ARHGAP17: variants seen among roughly 807,000 people sequenced by gnomAD.
ARHGAP17 encodes the protein Rho GTPase activating protein 17.
Under a neutral mutation model 99.5 loss-of-function variants are expected in ARHGAP17, and 57 were observed. The ratio of observed to expected loss-of-function variants is 0.57; its 90% confidence interval spans 0.46 to 0.71. The LOEUF (loss-of-function observed/expected upper bound fraction) is 0.71, where lower values mean the gene tolerates loss of function less well. Among genes scored for constraint, ARHGAP17 ranks in the 30% least tolerant of loss-of-function variants. ARHGAP17 has a pLI of 0.00. For synonymous variants in ARHGAP17, 417 were observed against 429.6 expected, an observed-to-expected ratio of 0.97 and a Z score of 0.36; for missense variants, 1,000 against 1,122.4, an observed-to-expected ratio of 0.89 and a Z score of 1.56.
chr16:25,000,456 G>A (rs568397999), intron 1 of ARHGAP17, among the ~76,000 whole-genome samples: 11 of 152,264 alleles, frequency 7.2e-5, no homozygotes, highest in African/African-American at 1.2e-4. Flanking sequence ...TTGAGCTGCC[G>A]ACCATGTGGA....
intron 3 of ARHGAP17, chr16:24,972,580 AG>A (rs2052398897): frequency 6.6e-6 from 1 of 152,222 alleles, no homozygotes; most frequent in Non-Finnish European, 1.5e-5. Context: ...TGAGAATAAT[AG>A]GGGATAATTC....
intron 3 of ARHGAP17, among the ~76,000 whole-genome samples, chr16:24,973,187 C>T (rs1055668850): frequency 2.0e-5 from 3 of 152,184 alleles, no homozygotes; most frequent in African/African-American, 7.2e-5. Context: ...GCATGCCAAT[C>T]GCACAAAAAG....
At position 24,935,640 on chromosome 16, in the gene ARHGAP17, C is replaced by T. The variant is rs187823038; in HGVS notation, c.1725-1G>A. On this transcript the variant is annotated splice_acceptor_variant, in intron 17 of 19. Coordinates refer to ENST00000289968, the MANE Select transcript of ARHGAP17 (RefSeq NM_001006634.3). LOFTEE classifies it high-confidence loss of function. ...TACAGGGTCCTTCGGTTTGGGAGGA[C>T]TAAGAGGAGTAAAAGTCAAGTTAGA... 1 of 1,613,722 alleles carries T rather than the reference C, an allele frequency of 6.2e-7. No homozygotes were observed. Among genetic ancestry groups the T allele is most frequent in the African/African-American group, 1.3e-5 (1 of 74,998 alleles).
At chr16:24,970,693 G>C in intron 3 of ARHGAP17, 113 bp from the exon 4 acceptor site, 1 of 919,294 alleles carries the variant, frequency 1.1e-6, no homozygotes, top group Non-Finnish European at 1.8e-6. Flanking sequence ...ACACAGGTAG[G>C]AGACAGCCTG....
intron 4 of ARHGAP17, among the ~76,000 whole-genome samples, chr16:24,969,547 T>C (rs955714135): frequency 1.3e-5 from 2 of 152,238 alleles, no homozygotes; most frequent in African/African-American, 2.4e-5. Context: ...ATGGGAGTGA[T>C]GTTGTGTGTT....
At chr16:24,998,109 G>A (rs1031371275) in intron 1 of ARHGAP17, among the ~76,000 whole-genome samples, 19 of 152,122 alleles carry the variant, frequency 1.2e-4, no homozygotes, top group African/African-American at 4.6e-4. Flanking sequence ...CCAGGAGCGA[G>A]GTGCGGGTGA....
Position 24,939,563 on chromosome 16 carries a change from G to C in ARHGAP17, c.1525C>G (p.Arg509Gly). The change falls in exon 17 of 20, where the codon CGG becomes GGG. Residue 509 changes from arginine (R) to glycine (G), a missense_variant. By Grantham distance (125) the Arg-to-Gly change is moderately radical (BLOSUM62 -2). This residue lies in a region of ARHGAP17 where 528 missense variants were observed against 511.4 expected (regional missense o/e 1.03). Transcript: ENST00000289968. ...GVKLMDFQAH[R>G]RGGTLNRKHI... ...TTTCTATTTAGAGTGCCACCCCGCC[G>C]GTGGGCCTGGAAGTCCATAAGCTTC... is the stretch of plus-strand genomic sequence containing the variant. 6.2e-7 allele frequency: 1 copy of C among 1,607,684 alleles called. No individual in the cohort carries two copies. The highest frequency in any genetic ancestry group is 8.5e-7 in the Non-Finnish European group (1 of 1,177,774).
At chr16:24,937,315 C>T (rs1038004940) in intron 17 of ARHGAP17, among the ~76,000 whole-genome samples, 6 of 151,662 alleles carry the variant, frequency 4.0e-5, no homozygotes, top group Admixed American at 1.3e-4. Flanking sequence ...CCAGCTACTC[C>T]GGCGGCTGAG....
At chr16:25,000,489 T>G (rs1347415577) in intron 1 of ARHGAP17, among the ~76,000 whole-genome samples, 1 of 152,148 alleles carries the variant, frequency 6.6e-6, no homozygotes, top group Non-Finnish European at 1.5e-5. Context: ...AATCTTGGGG[T>G]TTTTGTCCAT....
chr16:24,973,992 G>A (rs970929291), intron 3 of ARHGAP17, among the ~76,000 whole-genome samples: 1 of 152,218 alleles, frequency 6.6e-6, no homozygotes, highest in Non-Finnish European at 1.5e-5. Context: ...AAGGAGAAAT[G>A]GAATCAGCTG....
At chr16:24,939,268 C>T in intron 17 of ARHGAP17, 96 bp downstream of exon 17, 1 of 1,118,846 alleles carries the variant, frequency 8.9e-7, no homozygotes, top group Non-Finnish European at 1.2e-6. Context: ...CATGCTGGAG[C>T]AGTTCTTTGG....
At position 24,968,345 on chromosome 16, in the gene ARHGAP17, T is replaced by C. The variant is rs1246507927; in HGVS notation, c.461+6A>G. 1 of 1,614,184 alleles carries C rather than the reference T, an allele frequency of 6.2e-7. No individual in the cohort carries two copies. The highest frequency in any genetic ancestry group is 1.1e-5 in the South Asian group (1 of 91,078). On this transcript the variant is annotated splice_donor_region_variant and intron_variant, in intron 6 of 19. Coordinates refer to ENST00000289968, the MANE Select transcript of ARHGAP17 (RefSeq NM_001006634.3). ...ACAATGCTGCATTGCTGGCTCAAGC[T>C]GTTACCTGGCTCTGACTGAATCCCA...
intron 19 of ARHGAP17, chr16:24,920,600 T>C: frequency 4.2e-6 from 1 of 239,462 alleles, no homozygotes; most frequent in East Asian, 1.1e-4. Flanking sequence ...TGAACCCTCC[T>C]GATGGCCCCT....
Position 24,941,858 on chromosome 16 carries a change from T to C in ARHGAP17, c.1490+129A>G, listed in dbSNP as rs574622714. ...TGACCTACAGCAGAATTCCAGAAACTATCTGGACACCATCAGTCATGGGTG... is the reference window on the plus strand; with the variant it reads ...TGACCTACAGCAGAATTCCAGAAACCATCTGGACACCATCAGTCATGGGTG... On this transcript the variant is annotated intron_variant, in intron 16 of 19. Transcript: ENST00000289968. 28 of 1,292,586 alleles carry C rather than the reference T, an allele frequency of 2.2e-5. No individual in the cohort carries two copies. The Admixed American group carries it at 3.0e-4, about 14-fold the overall frequency. 80.1% of individuals were successfully genotyped at this position (1,292,586 alleles called of 1,614,324 possible).
chr16:25,015,270 T>C lies in ARHGAP17; in HGVS notation c.-9A>G. 1 of 1,338,606 alleles carries C rather than the reference T, an allele frequency of 7.5e-7. No individual in the cohort carries two copies. The highest frequency in any genetic ancestry group is 9.7e-7 in the Non-Finnish European group (1 of 1,034,106). The allele number at this position is 1,338,606 out of a possible 1,614,324, so 82.9% of individuals were successfully genotyped here. On this transcript the variant is annotated 5_prime_UTR_variant, in exon 1 of 20. Transcript: ENST00000289968. ...TTGAACTGCTTCTTCATGGCGGCGG[T>C]GGCGGCGGCGGCCCGCGGGGCTCGG... is the stretch of plus-strand genomic sequence containing the variant.
At chr16:24,983,114 C>A (rs2052753585) in intron 1 of ARHGAP17, among the ~76,000 whole-genome samples, 1 of 149,646 alleles carries the variant, frequency 6.7e-6, no homozygotes, top group Non-Finnish European at 1.5e-5. Flanking sequence ...TAGTGATACT[C>A]CCACCTCAGC....
Position 24,931,177 on chromosome 16 carries a change from T to C in ARHGAP17, c.2122A>G (p.Ile708Val), listed in dbSNP as rs998624460. ...PRRYSSSLSP[I>V]QAPNHPPPQP... The stretch of plus-strand genomic sequence containing the variant: ...GGCGGTGGGTGATTGGGAGCTTGGA[T>C]TGGAGACAAGCTGCTGGAGTACCTC... Residue 708 changes from isoleucine (I) to valine (V), a missense_variant, in exon 19 of 20, where the codon ATC (isoleucine) becomes GTC (valine). This residue lies in a region of ARHGAP17 where 528 missense variants were observed against 511.4 expected (regional missense o/e 1.03). Transcript: ENST00000289968. 3.1e-6 allele frequency: 5 copies of C among 1,591,286 alleles called. No individual in the cohort carries two copies. The highest frequency in any genetic ancestry group is 2.7e-5 in the African/African-American group (2 of 74,306).
intron 1 of ARHGAP17, among the ~76,000 whole-genome samples, chr16:24,981,534 C>A (rs557050355): frequency 2.0e-5 from 3 of 151,956 alleles, no homozygotes; most frequent in Non-Finnish European, 2.9e-5. Context: ...ATAACCCAAA[C>A]GATAGTTTAC....
At chr16:24,978,403 A>C (rs957572114) in intron 2 of ARHGAP17, among the ~76,000 whole-genome samples, 4 of 152,192 alleles carry the variant, frequency 2.6e-5, no homozygotes, top group African/African-American at 9.7e-5. Flanking sequence ...ACAGCAAATA[A>C]ATGCTGGTTC....
Sources: gnomAD v4.1 joint callset for allele counts (sites outside exome capture counted in the v4.1 genomes callset) on GRCh38, gnomAD v4.1.1 for gene constraint, gnomAD v4.1.1 regional missense constraint, MANE v1.5 for transcripts, NCBI Gene and HGNC (gene_info 2026-07-23, HGNC 2026-07-21) for gene names.